Variants in RAPGEF2 observed in about 807,000 individuals in gnomAD.
RAPGEF2 encodes PDZ domain containing guanine nucleotide exchange factor (GEF) 1.
A neutral mutation model predicts 186.7 loss-of-function variants in RAPGEF2; 54 were observed. The ratio of observed to expected loss-of-function variants is 0.29; its 90% CI spans 0.23 to 0.36. RAPGEF2 has a LOEUF of 0.36. Among genes scored for constraint, RAPGEF2 ranks in the 10% least tolerant of loss-of-function variants. The pLI is 1.00. For synonymous variants in RAPGEF2, 712 were observed against 705.9 expected, an observed-to-expected ratio of 1.01 and a Z score of -0.14; for missense variants, 1,532 against 2,045.0, an observed-to-expected ratio of 0.75 and a Z score of 4.84.
chr4:159,326,228 T>C (rs1382883327), intron 11 of RAPGEF2, among the ~76,000 whole-genome samples: 2 of 152,234 alleles, frequency 1.3e-5, no homozygotes, highest in Non-Finnish European at 2.9e-5. Context: ...AAATGTCATA[T>C]AACTGTCAGA....
At chr4:159,108,110 G>C (rs561295686) in intron 1 of RAPGEF2, among the ~76,000 whole-genome samples, 2 of 152,276 alleles carry the variant, frequency 1.3e-5, no homozygotes, top group African/African-American at 4.8e-5. Context: ...ATTTATAACT[G>C]AAATATTAGC....
intron 17 of RAPGEF2, among the ~76,000 whole-genome samples, chr4:159,337,404 A>G (rs552604966): frequency 3.3e-5 from 5 of 152,298 alleles, no homozygotes; most frequent in Admixed American, 2.6e-4. Context: ...AATTTCTTCA[A>G]CTATTGAAGG....
At chr4:159,327,187 T>C (rs1221942618) in intron 11 of RAPGEF2, 2 of 152,242 alleles carry the variant, frequency 1.3e-5, no homozygotes, top group East Asian at 3.8e-4. Context: ...TAAATACAAA[T>C]TATAATGTCA....
At chr4:159,251,937 C>T (rs1359849897) in intron 7 of RAPGEF2, among the ~76,000 whole-genome samples, 3 of 151,974 alleles carry the variant, frequency 2.0e-5, no homozygotes, top group South Asian at 2.1e-4. Context: ...TCTTTAAGAG[C>T]GGTAACACTC....
Position 159,338,804 on chromosome 4 carries a change from A to G in RAPGEF2, c.2294-310A>G, listed in dbSNP as rs117896842. ...TTAGGTCTAATTAATGGACTTTTCA[A>G]TACAGTAAAGATTAACTCTGGATTT... is the stretch of plus-strand genomic sequence containing the variant. On this transcript the variant is annotated intron_variant, in intron 18 of 29. Coordinates refer to ENST00000691494, the MANE Select transcript of RAPGEF2 (RefSeq NM_001394067.2). Among the ~76,000 whole-genome samples the G allele has an allele frequency of 5.3e-4, 81 of 152,316 alleles. 2 individuals carry two copies. The East Asian group carries it at 0.014, about 27-fold the overall frequency.
In RAPGEF2 at chr4:159,203,096, A is replaced by G. The variant is rs1303838227; in HGVS notation, c.198-7404A>G. 2.6e-5 allele frequency among the ~76,000 whole-genome samples: 4 copies of G among 152,138 alleles called. 1 individual carries two copies. The East Asian group carries it at 5.8e-4, about 22-fold the overall frequency. On this transcript the variant is annotated intron_variant, in intron 3 of 29. Coordinates refer to ENST00000691494, the MANE Select transcript of RAPGEF2 (RefSeq NM_001394067.2). ...TGTCAACTTCAACTTGATCGCTTGC[A>G]TTTACTGGCCACCTCCTTAAATGAG...
chr4:159,200,512 A>T (rs1749290780), intron 3 of RAPGEF2, among the ~76,000 whole-genome samples: 1 of 152,152 alleles, frequency 6.6e-6, no homozygotes, highest in Non-Finnish European at 1.5e-5. Context: ...TGATAACATT[A>T]ATGAGCCTAT....
intron 1 of RAPGEF2, among the ~76,000 whole-genome samples, chr4:159,158,613 C>T (rs544219019): frequency 6.6e-6 from 1 of 152,184 alleles, no homozygotes; most frequent in South Asian, 2.1e-4. Context: ...TAGGTAATTA[C>T]CAGTAGCAAC....
At chr4:159,259,252 A>C (rs1756530469) in intron 7 of RAPGEF2, among the ~76,000 whole-genome samples, 1 of 152,232 alleles carries the variant, frequency 6.6e-6, no homozygotes, top group Non-Finnish European at 1.5e-5. Context: ...AATGTGGCCC[A>C]AAGGAGATAT....
intron 4 of RAPGEF2, among the ~76,000 whole-genome samples, chr4:159,217,255 G>C (rs978693249): frequency 1.3e-5 from 2 of 152,140 alleles, no homozygotes; most frequent in African/African-American, 2.4e-5. Flanking sequence ...ATTTGGGTTT[G>C]ATTGAACCCA....
chr4:159,329,971 T>C lies in RAPGEF2; in HGVS notation c.1263T>C (p.Leu421=). 6.2e-7 allele frequency: 1 copy of C among 1,612,918 alleles called. No homozygotes were observed. The highest frequency in any genetic ancestry group is 8.5e-7 in the Non-Finnish European group (1 of 1,179,402). ...EIVMVKEHRE[L]DRTGTRKGHI... is the part of the protein sequence containing the mutation. ...TTATGGTGAAAGAACACCGAGAACT[T>C]GATCGAACTGGAACAAGAAAGGGAC... is the stretch of plus-strand genomic sequence containing the variant. Residue 421 remains leucine, a synonymous_variant, in exon 12 of 30, where the codon CTT becomes CTC. Transcript: ENST00000691494.
intron 7 of RAPGEF2, among the ~76,000 whole-genome samples, chr4:159,299,984 C>A (rs1158637104): frequency 6.6e-6 from 1 of 151,854 alleles, no homozygotes; most frequent in African/African-American, 2.4e-5. Flanking sequence ...GTGCCAGGCA[C>A]TTCTCTAAGT....
In RAPGEF2 at chr4:159,331,815, C is replaced by T. The variant is rs756204478; in HGVS notation, c.1761C>T (p.Gly587=). Residue 587 remains glycine (G), a synonymous_variant, in exon 15 of 30, where the codon GGC becomes GGT. Coordinates refer to ENST00000691494, the MANE Select transcript of RAPGEF2 (RefSeq NM_001394067.2). ...VDSGSKATEA[G]LKRGDQILEV... ...CAGGTAGCAAAGCAACTGAAGCAGG[C>T]TTGAAACGGGGGGATCAGGTATGCC... The T allele has an allele frequency of 5.6e-6, 9 of 1,612,544 alleles. No homozygotes were observed. The highest frequency in any genetic ancestry group is 7.6e-6 in the Non-Finnish European group (9 of 1,179,654).
intron 1 of RAPGEF2, among the ~76,000 whole-genome samples, chr4:159,112,503 G>T (rs1390047941): frequency 2.0e-5 from 3 of 152,104 alleles, no homozygotes; most frequent in African/African-American, 7.2e-5. Flanking sequence ...AGTCCCAATG[G>T]CCAAATTTGG....
chr4:159,120,683 C>T (rs1739576896), intron 1 of RAPGEF2, among the ~76,000 whole-genome samples: 2 of 152,060 alleles, frequency 1.3e-5, no homozygotes, highest in Admixed American at 6.6e-5. Flanking sequence ...AGCTATGTTT[C>T]CATAAATTAT....
At chr4:159,254,599 A>AATT (rs1755906960) in intron 7 of RAPGEF2, among the ~76,000 whole-genome samples, 1 of 125,034 alleles carries the variant, frequency 8.0e-6, no homozygotes, top group African/African-American at 3.3e-5. Flanking sequence ...ATACAGCATG[A>AATT]CTTTTTTTTT....
intron 9 of RAPGEF2, among the ~76,000 whole-genome samples, chr4:159,316,078 C>T (rs113160362): frequency 3.9e-5 from 6 of 152,114 alleles, no homozygotes; most frequent in Admixed American, 6.5e-5. Context: ...CGCCTGGCAA[C>T]GGGCATCTTC....
intron 1 of RAPGEF2, among the ~76,000 whole-genome samples, chr4:159,180,059 G>GA (rs1317071475): frequency 2.6e-5 from 4 of 152,184 alleles, no homozygotes; most frequent in Admixed American, 2.6e-4. Context: ...TTGATAGGAA[G>GA]ATTAGAAATG....
intron 1 of RAPGEF2, among the ~76,000 whole-genome samples, chr4:159,154,634 TAATTTGTAA>T (rs1387952766): frequency 6.6e-6 from 1 of 152,168 alleles, no homozygotes; most frequent in Admixed American, 6.5e-5. Flanking sequence ...ATTGTGCTGA[TAATTTGTAA>T]AATAATCTGC....
Sources: allele counts gnomAD v4.1 joint callset (sites outside exome capture counted in the v4.1 genomes callset), GRCh38; gene constraint gnomAD v4.1.1; transcripts MANE v1.5; gene names NCBI Gene and HGNC (gene_info 2026-07-23, HGNC 2026-07-21).